The following C2CD5 variants were observed in gnomAD, a reference collection of about 807,000 sequenced individuals.
C2CD5 encodes the protein C2 domain-containing protein 5.
A neutral mutation model predicts 130.3 loss-of-function variants in C2CD5; 109 were observed. The ratio of observed to expected loss-of-function variants is 0.84; its 90% CI spans 0.72 to 0.98. The LOEUF (loss-of-function observed/expected upper bound fraction) is 0.98, where lower values mean the gene tolerates loss of function less well. C2CD5 is among the 50% of genes least tolerant of loss of function. The pLI, the probability that C2CD5 is intolerant of heterozygous loss-of-function variation, is 0.00. For missense variants in C2CD5, 996 were observed against 1,261.8 expected (o/e 0.79, Z 3.19); for synonymous variants, 454 against 429.2 (o/e 1.06, Z -0.71).
intron 13 of C2CD5, chr12:22,484,440 C>A (rs1945188413): frequency 2.9e-6 from 1 of 342,070 alleles, no homozygotes; most frequent in Admixed American, 4.7e-5. Context: ...TAGCCTTTGG[C>A]AGGTTAATAA....
Position 22,490,123 on chromosome 12 carries a change from C to T in C2CD5, c.1358G>A (p.Arg453Lys), listed in dbSNP as rs1946153083. The T allele has an allele frequency of 6.2e-7, 1 of 1,611,042 alleles. No homozygotes were observed. The part of the protein sequence containing the change: ...DGTVEGCLEQ[R>K]LEENLPTRCG... ...AAATAAGCCAGGCTGCCATGACAACCTCTGTTCCAAACAGCCTTCCACGGT... is the reference window on the plus strand; with the variant it reads ...AAATAAGCCAGGCTGCCATGACAACTTCTGTTCCAAACAGCCTTCCACGGT... The change falls in exon 12 of 27, where the codon AGG (arginine) becomes AAG (lysine). Residue 453 changes from arginine to lysine, a missense_variant and splice_region_variant. Arg to Lys is a conservative substitution (Grantham distance 26, BLOSUM62 2). Transcript: ENST00000446597.
intron 7 of C2CD5, among the ~76,000 whole-genome samples, chr12:22,518,625 C>T (rs760276216): frequency 6.6e-6 from 1 of 152,148 alleles, no homozygotes; most frequent in Non-Finnish European, 1.5e-5. Flanking sequence ...ATGAATACAG[C>T]TACACAGAAA....
chr12:22,517,947 T>C, intron 8 of C2CD5, 39 bp downstream of exon 8: 1 of 1,535,468 alleles, frequency 6.5e-7, no homozygotes, highest in South Asian at 1.2e-5. Context: ...AACAAATTTT[T>C]AAAAAAGAAA....
chr12:22,474,926 A>G, intron 15 of C2CD5, 35 bp from the exon 16 acceptor site: 1 of 1,455,838 alleles, frequency 6.9e-7, no homozygotes, highest in Non-Finnish European at 9.3e-7. Flanking sequence ...ATCATATGAG[A>G]TTGTCTTTTC....
intron 7 of C2CD5, among the ~76,000 whole-genome samples, chr12:22,519,521 A>G (rs1048977933): frequency 2.0e-5 from 3 of 152,094 alleles, no homozygotes; most frequent in African/African-American, 7.2e-5. Context: ...AAATGAGAAC[A>G]AGACTAAGAT....
At chr12:22,517,606 CACT>C in intron 8 of C2CD5, among the ~76,000 whole-genome samples, 1 of 152,202 alleles carries the variant, frequency 6.6e-6, no homozygotes, top group East Asian at 1.9e-4. Flanking sequence ...GAATTATATT[CACT>C]AATAGGCAGA....
chr12:22,543,205 T>C (rs767113812), intron 2 of C2CD5, among the ~76,000 whole-genome samples: 20 of 152,252 alleles, frequency 1.3e-4, no homozygotes, highest in Non-Finnish European at 1.3e-4. Flanking sequence ...GCTCTAATGC[T>C]CTGGCTCATC....
rs1394810757 is a variant in C2CD5, at chr12:22,474,776, C to T, written c.2018G>A (p.Gly673Glu). The T allele has an allele frequency of 1.2e-6, 2 of 1,601,452 alleles. No individual in the cohort carries two copies. Among genetic ancestry groups the T allele is most frequent in the Non-Finnish European group, 1.7e-6 (2 of 1,174,442 alleles). Residue 673 changes from glycine to glutamate, a missense_variant, in exon 16 of 27, where the codon GGG becomes GAG. Physicochemically the swap from Gly to Glu is moderately conservative, Grantham distance 98. Transcript: ENST00000446597. Reference sequence around the variant, plus strand: ...CTCCAAAACAAAAGCATCTTTTTTCCCATGTGAAAGGTCTAATTCTGTAAC... The same window carrying T: ...CTCCAAAACAAAAGCATCTTTTTTCTCATGTGAAAGGTCTAATTCTGTAAC... ...DEVTELDLSH[G>E]KKDAFVLEID...
At chr12:22,539,286 C>T (rs1952117190) in intron 2 of C2CD5, among the ~76,000 whole-genome samples, 1 of 152,278 alleles carries the variant, frequency 6.6e-6, no homozygotes, top group Non-Finnish European at 1.5e-5. Context: ...GAGCTTCCTT[C>T]CTCTTTCTAG....
chr12:22,467,417 A>C (rs1188752880), intron 22 of C2CD5, among the ~76,000 whole-genome samples: 1 of 152,094 alleles, frequency 6.6e-6, no homozygotes, highest in Admixed American at 6.6e-5. Context: ...ACGATTACAG[A>C]TATGAGTCAC....
chr12:22,474,733 A>C lies in C2CD5; in HGVS notation c.2043+18T>G, dbSNP rs1247242663. On this transcript the variant is annotated intron_variant, in intron 16 of 26. Transcript: ENST00000446597. ...TAGCTTCCAAAACCTTTAAGAAATT[A>C]GTCCAATGCCACATTACCTCCAAAA... 1 of 1,559,408 alleles carries C rather than the reference A, an allele frequency of 6.4e-7. No homozygotes were observed. Among genetic ancestry groups the C allele is most frequent in the Non-Finnish European group, 8.7e-7 (1 of 1,155,348 alleles).
At chr12:22,528,640 TATTTTCTATAATTAG>T (rs748236511) in intron 3 of C2CD5, among the ~76,000 whole-genome samples, 64 of 152,326 alleles carry the variant, frequency 4.2e-4, no homozygotes, top group South Asian at 1.0e-3. Flanking sequence ...AAAGGATTAT[TATTTTCTATAATTAG>T]AAAATTATAC....
At chr12:22,486,777 G>A (rs1206583357) in intron 12 of C2CD5, among the ~76,000 whole-genome samples, 1 of 152,120 alleles carries the variant, frequency 6.6e-6, no homozygotes, top group Non-Finnish European at 1.5e-5. Context: ...TAGAACTAGA[G>A]TGTGTAGTGT....
In C2CD5 at chr12:22,474,786, G is replaced by C. The variant is rs952598846; in HGVS notation, c.2008C>G (p.Leu670Val). 6.2e-7 allele frequency: 1 copy of C among 1,607,300 alleles called. No individual in the cohort carries two copies. The highest frequency in any genetic ancestry group is 8.5e-7 in the Non-Finnish European group (1 of 1,176,666). ...ESSDEVTELD[L>V]SHGKKDAFVL... ...AAAGCATCTTTTTTCCCATGTGAAA[G>C]GTCTAATTCTGTAACTTCATCCGAG... The change falls in exon 16 of 27, where the codon CTT (leucine) becomes GTT (valine). Residue 670 changes from leucine to valine, a missense_variant. By Grantham distance (32) the Leu-to-Val change is conservative. This residue lies in a region of C2CD5 where 590 missense variants were observed against 631.4 expected (regional missense o/e 0.93). Coordinates refer to ENST00000446597, the MANE Select transcript of C2CD5 (RefSeq NM_001286176.2).
intron 10 of C2CD5, among the ~76,000 whole-genome samples, chr12:22,494,357 C>T (rs1946745390): frequency 6.6e-6 from 1 of 151,926 alleles, no homozygotes; most frequent in Non-Finnish European, 1.5e-5. Context: ...ACCAAAAAAT[C>T]CAAAGTTTCT....
chr12:22,490,149 G>C lies in C2CD5; in HGVS notation c.1332C>G (p.Gly444=). The change falls in exon 12 of 27, where the codon GGC becomes GGG. Residue 444 remains glycine (G), a synonymous_variant. Coordinates refer to ENST00000446597, the MANE Select transcript of C2CD5 (RefSeq NM_001286176.2). The part of the protein sequence containing the change: ...AVLNPRFLQD[G]TVEGCLEQRL... ...TCTGTTCCAAACAGCCTTCCACGGT[G>C]CCATCCTGCAGAAATCTAGGATTCA... 6.2e-7 allele frequency: 1 copy of C among 1,613,478 alleles called. No homozygotes were observed. Among genetic ancestry groups the C allele is most frequent in the South Asian group, 1.1e-5 (1 of 91,062 alleles).
rs1253184184 is a variant in C2CD5 at position 22,471,384 on chromosome 12, C to T, written c.2358+15G>A. The T allele has an allele frequency of 2.2e-6, 3 of 1,336,648 alleles. No individual in the cohort carries two copies. Among genetic ancestry groups the T allele is most frequent in the South Asian group, 1.2e-5 (1 of 82,876 alleles). The allele number at this position is 1,336,648 out of a possible 1,614,324, so 82.8% of individuals were successfully genotyped here. A position where few individuals can be genotyped will look rare whatever the true frequency, so the allele number is the denominator to read the frequency against. ...AGATCAGATAAAGACTAATAATGGA[C>T]TAAATCTTAATTACCTGAATTAATT... On this transcript the variant is annotated intron_variant, in intron 20 of 26. Coordinates refer to ENST00000446597, the MANE Select transcript of C2CD5 (RefSeq NM_001286176.2).
intron 13 of C2CD5, among the ~76,000 whole-genome samples, chr12:22,483,947 C>T (rs1045913364): frequency 5.3e-5 from 8 of 152,042 alleles, no homozygotes; most frequent in Admixed American, 4.6e-4. Context: ...AAGAAAGTTC[C>T]GGACTAGAGT....
intron 3 of C2CD5, among the ~76,000 whole-genome samples, chr12:22,530,107 TATATACACAC>T (rs1349077431): frequency 2.2e-3 from 244 of 111,556 alleles, no homozygotes; most frequent in African/African-American, 9.4e-3. Flanking sequence ...TATATATATA[TATATACACAC>T]ACACACACAC....
Sources: gnomAD v4.1 joint callset for allele counts (sites outside exome capture counted in the v4.1 genomes callset) on GRCh38, gnomAD v4.1.1 for gene constraint, gnomAD v4.1.1 regional missense constraint, MANE v1.5 for transcripts, NCBI Gene and HGNC (gene_info 2026-07-23, HGNC 2026-07-21) for gene names.